SLC14A2: variants seen among roughly 807,000 people sequenced by gnomAD.
The protein encoded by SLC14A2 is urea transporter 2.
SLC14A2 carries 91 observed loss-of-function variants against 104.6 expected under a neutral mutation model. The observed-to-expected ratio is 0.87, with a 90% CI of 0.73 to 1.04. SLC14A2 has a LOEUF of 1.04. Among genes scored for constraint, SLC14A2 ranks in the 50% least tolerant of loss-of-function variants. The pLI is 0.00. For synonymous variants in SLC14A2, 476 were observed against 466.4 expected (o/e 1.02, Z -0.27); for missense variants, 1,189 against 1,156.0 (o/e 1.03, Z -0.41).
intron 11 of SLC14A2, among the ~76,000 whole-genome samples, chr18:45,665,688 C>CTTTTTTTTTTTT (rs146248418): frequency 3.0e-4 from 24 of 79,302 alleles, no homozygotes; most frequent in African/African-American, 1.2e-3. Context: ...AACCAAGTTT[C>CTTTTTTTTTTTT]TTTTTTTTTT....
chr18:45,231,359 T>A lies in SLC14A2; in HGVS notation c.-125+18168T>A, dbSNP rs141787680. ...CTGAGACTACTAGCATGCATCACCA[T>A]GCCTGGCTAATTTTTTATTTTTTTG... is the stretch of plus-strand genomic sequence containing the variant. On this transcript the variant is annotated intron_variant, in intron 1 of 20. Transcript: ENST00000586448. 7.2e-3 allele frequency among the ~76,000 whole-genome samples: 1,089 copies of A among 152,036 alleles called. 5 individuals are homozygous for A. Among genetic ancestry groups the A allele is most frequent in the Admixed American group, 0.012 (179 of 15,280 alleles).
intron 2 of SLC14A2, among the ~76,000 whole-genome samples, chr18:45,598,471 C>T (rs376872713): frequency 1.1e-4 from 16 of 152,178 alleles, no homozygotes; most frequent in East Asian, 3.9e-4. Context: ...GGGTCCTAGA[C>T]GCTTTCCTTT....
intron 1 of SLC14A2, among the ~76,000 whole-genome samples, chr18:45,378,411 G>T (rs2085798122): frequency 6.6e-6 from 1 of 152,154 alleles, no homozygotes; most frequent in South Asian, 2.1e-4. Context: ...AGCTTGGATG[G>T]CCATCCCCTA....
At chr18:45,174,853 G>C in the SLC14A2 span, among the ~76,000 whole-genome samples, 2 of 152,074 alleles carry the variant, frequency 1.3e-5, no homozygotes, top group Non-Finnish European at 2.9e-5. Flanking sequence ...AATGCAAAAG[G>C]CTCTTAAATG....
chr18:45,319,075 C>T (rs909494076), intron 1 of SLC14A2, among the ~76,000 whole-genome samples: 1 of 152,174 alleles, frequency 6.6e-6, no homozygotes, highest in Non-Finnish European at 1.5e-5. Context: ...CTGGCTTCCA[C>T]GTGAAGACTT....
At position 45,218,120 on chromosome 18, in the gene SLC14A2, G is replaced by A. The variant is rs73956317; in HGVS notation, c.-125+4929G>A. ...TGTTGTACAGCCATTGCCCATCTAC[G>A]TCCAGAACTTCATCCCCCCGAAGTG... On this transcript the variant is annotated intron_variant, in intron 1 of 20. Coordinates refer to the SLC14A2 transcript ENST00000586448. Among the ~76,000 whole-genome samples the A allele has an allele frequency of 2.2e-3, 333 of 152,220 alleles. 1 individual carries two copies. Among genetic ancestry groups the A allele is most frequent in the African/African-American group, 4.4e-3 (183 of 41,540 alleles).
intron 2 of SLC14A2, among the ~76,000 whole-genome samples, chr18:45,574,065 A>T (rs2044385984): frequency 6.6e-6 from 1 of 152,234 alleles, no homozygotes; most frequent in Non-Finnish European, 1.5e-5. Flanking sequence ...AGGAAGTTAA[A>T]CTAGATCTTT....
intron 1 of SLC14A2, among the ~76,000 whole-genome samples, chr18:45,361,118 C>T (rs2085606333): frequency 6.6e-6 from 1 of 152,218 alleles, no homozygotes; most frequent in African/African-American, 2.4e-5. Context: ...GAAGTCCCCT[C>T]TCCTCTCTCT....
chr18:45,615,883 G>A (rs1243217148), intron 1 of SLC14A2, among the ~76,000 whole-genome samples: 1 of 152,000 alleles, frequency 6.6e-6, no homozygotes, highest in African/African-American at 2.4e-5. Context: ...CTACTACATT[G>A]TGAAATAGTC....
chr18:45,205,145 C>G, the SLC14A2 span, among the ~76,000 whole-genome samples: 5 of 152,346 alleles, frequency 3.3e-5, no homozygotes, highest in East Asian at 9.6e-4. Context: ...AGCATGCGGG[C>G]CTCCTAATGG....
intron 1 of SLC14A2, among the ~76,000 whole-genome samples, chr18:45,394,358 C>T (rs9956985): frequency 0.017 from 2,540 of 152,124 alleles, 74 homozygotes; most frequent in African/African-American, 0.058. Flanking sequence ...TCCTTAAAAT[C>T]GTATGTAAAT....
intron 1 of SLC14A2, among the ~76,000 whole-genome samples, chr18:45,362,388 G>T (rs545335350): frequency 4.6e-5 from 7 of 152,122 alleles, no homozygotes; most frequent in Non-Finnish European, 8.8e-5. Flanking sequence ...GAACCCTCTG[G>T]TGCCCCCACC....
intron 1 of SLC14A2, among the ~76,000 whole-genome samples, chr18:45,285,652 A>G (rs1291285048): frequency 8.8e-6 from 1 of 113,048 alleles, no homozygotes; most frequent in Non-Finnish European, 1.7e-5. Context: ...TCCTGACCTC[A>G]GGTGATCTGC....
At chr18:45,588,716 C>T (rs2044603958) in intron 2 of SLC14A2, among the ~76,000 whole-genome samples, 1 of 152,202 alleles carries the variant, frequency 6.6e-6, no homozygotes, top group Non-Finnish European at 1.5e-5. Context: ...TCCCAGTTTC[C>T]TCCAGCCTGT....
At chr18:45,414,994 C>T (rs1487039314) in intron 1 of SLC14A2, among the ~76,000 whole-genome samples, 1 of 151,556 alleles carries the variant, frequency 6.6e-6, no homozygotes, top group Non-Finnish European at 1.5e-5. Context: ...TACAAGGGTG[C>T]CTGCTTTTTT....
intron 1 of SLC14A2, among the ~76,000 whole-genome samples, chr18:45,364,036 A>G (rs2085642231): frequency 6.6e-6 from 1 of 152,132 alleles, no homozygotes; most frequent in Non-Finnish European, 1.5e-5. Flanking sequence ...CCATCCTTCC[A>G]GTTTCAAATG....
At chr18:45,357,230 G>T (rs901455798) in intron 1 of SLC14A2, among the ~76,000 whole-genome samples, 1 of 144,262 alleles carries the variant, frequency 6.9e-6, no homozygotes, top group Non-Finnish European at 1.5e-5. Context: ...AGTGGCCTTG[G>T]GACACAATTT....
At chr18:45,446,122 G>A (rs2086765330) in intron 1 of SLC14A2, among the ~76,000 whole-genome samples, 1 of 152,186 alleles carries the variant, frequency 6.6e-6, no homozygotes, top group East Asian at 1.9e-4. Context: ...GATAATGTAA[G>A]TGAAACCCCT....
At chr18:45,372,111 A>G (rs557780019) in intron 1 of SLC14A2, among the ~76,000 whole-genome samples, 5 of 152,248 alleles carry the variant, frequency 3.3e-5, no homozygotes, top group Admixed American at 3.3e-4. Flanking sequence ...TGGGAGTTCA[A>G]GACCAATCTG....
Sources: gnomAD v4.1 joint callset for allele counts (sites outside exome capture counted in the v4.1 genomes callset) on GRCh38, gnomAD v4.1.1 for gene constraint, MANE v1.5 for transcripts, NCBI Gene and HGNC (gene_info 2026-07-23, HGNC 2026-07-21) for gene names.